Variants in RYR2 observed in about 807,000 individuals in gnomAD.
RYR2 encodes ryanodine receptor 2.
In RYR2, 227 loss-of-function variants were observed where a neutral mutation model predicts 601.1. The ratio of observed to expected loss-of-function variants is 0.38; its 90% CI spans 0.34 to 0.42. The LOEUF is 0.42. Ranked by LOEUF, RYR2 falls within the 10% of genes least tolerant of loss-of-function variation. The pLI is 1.00. For synonymous variants in RYR2, 2,223 were observed against 2,175.1 expected (o/e 1.02, Z -0.61); for missense variants, 4,646 against 6,156.5 (o/e 0.75, Z 8.21).
At chr1:237,326,229 TAC>T (rs947068530) in intron 2 of RYR2, among the ~76,000 whole-genome samples, 2 of 151,742 alleles carry the variant, frequency 1.3e-5, no homozygotes, top group Admixed American at 6.6e-5. Flanking sequence ...TCTAAGACTA[TAC>T]AGTGTTTGCC....
chr1:237,595,526 T>C lies in RYR2; in HGVS notation c.4465T>C (p.Cys1489Arg), dbSNP rs200450676. The part of the protein sequence containing the change: ...SIKRSNCYMV[C>R]AGESMSPGQG... ...CAAACGCAGCAACTGCTATATGGTA[T>C]GTGCGGGTGAGAGCATGAGCCCCGG... The change falls in exon 34 of 105, where the codon TGT becomes CGT. Residue 1489 changes from cysteine to arginine, a missense_variant. Cys to Arg is a radical substitution (Grantham distance 180). This residue lies in a region of RYR2 where 1,807 missense variants were observed against 2,088.1 expected (regional missense o/e 0.87). Transcript: ENST00000366574. 1.7e-4 allele frequency: 277 copies of C among 1,612,568 alleles called. No individual in the cohort carries two copies. The highest frequency in any genetic ancestry group is 4.4e-4 in the Admixed American group (26 of 59,766).
chr1:237,126,644 T>C (rs1464464071), intron 1 of RYR2, among the ~76,000 whole-genome samples: 1 of 152,176 alleles, frequency 6.6e-6, no homozygotes, highest in Non-Finnish European at 1.5e-5. Flanking sequence ...CTTTTTCCCT[T>C]CATCCTTCCT....
rs768186808 is a variant in RYR2, at chr1:237,742,969, AT to A, written c.11145+624del. Among the ~76,000 whole-genome samples the A allele has an allele frequency of 5.9e-5, 9 of 152,130 alleles. No individual in the cohort carries two copies. In the South Asian group the frequency reaches 1.4e-3, roughly 24 times the overall value. On this transcript the variant is annotated intron_variant, in intron 80 of 104. Transcript: ENST00000366574. ...CTTAGCCCAAAGGAAAGTTAATAGT[AT>A]TTTCCCCCTTTGCTTATACTGTACT...
At chr1:237,704,999 T>C (rs1688252401) in intron 66 of RYR2, among the ~76,000 whole-genome samples, 1 of 152,146 alleles carries the variant, frequency 6.6e-6, no homozygotes, top group Non-Finnish European at 1.5e-5. Flanking sequence ...TGACAGATAA[T>C]TTTTTGCTAA....
At chr1:237,345,224 T>C (rs2149637390) in intron 3 of RYR2, among the ~76,000 whole-genome samples, 1 of 152,268 alleles carries the variant, frequency 6.6e-6, no homozygotes, top group Non-Finnish European at 1.5e-5. Flanking sequence ...TTTGTAAAAA[T>C]CTACAAAATA....
At chr1:237,485,007 T>C (rs777540511) in intron 17 of RYR2, among the ~76,000 whole-genome samples, 3 of 152,244 alleles carry the variant, frequency 2.0e-5, no homozygotes, top group Non-Finnish European at 2.9e-5. Flanking sequence ...ATGCAGTGCC[T>C]GCAGCCTCAA....
At chr1:237,510,762 T>G (rs1665810252) in intron 23 of RYR2, among the ~76,000 whole-genome samples, 1 of 152,252 alleles carries the variant, frequency 6.6e-6, no homozygotes, top group Non-Finnish European at 1.5e-5. Context: ...CCGATGCGAT[T>G]TAGGTCTCTG....
At position 237,773,587 on chromosome 1, in the gene RYR2, A is replaced by G; in HGVS notation, c.11714A>G (p.Asn3905Ser). The change falls in exon 87 of 105, where the codon AAT becomes AGT. Residue 3905 changes from asparagine (N) to serine (S), a missense_variant. Asn to Ser is a conservative substitution (Grantham distance 46). Around this residue, in one of 17 missense-constraint regions of RYR2, gnomAD observed 90 missense variants for 213.3 expected, o/e 0.42. Transcript: ENST00000366574. Reference sequence around the variant, plus strand: ...GTTATTGATGAACAAGGACAACGGAATTTCTCCAAAGCTATCCAAGTGGCA... The same window carrying G: ...GTTATTGATGAACAAGGACAACGGAGTTTCTCCAAAGCTATCCAAGTGGCA... ...KDVIDEQGQRNFSKAIQVAKQ... is the reference protein window; with the variant it reads ...KDVIDEQGQRSFSKAIQVAKQ... 1 of 1,608,746 alleles carries G rather than the reference A, an allele frequency of 6.2e-7. No homozygotes were observed. The highest frequency in any genetic ancestry group is 1.7e-5 in the Admixed American group (1 of 59,910).
chr1:237,317,297 A>G (rs1695209976), intron 2 of RYR2, among the ~76,000 whole-genome samples: 1 of 152,230 alleles, frequency 6.6e-6, no homozygotes, highest in Non-Finnish European at 1.5e-5. Flanking sequence ...GCACGTCAAC[A>G]TGGTCAAAAT....
At chr1:237,127,255 A>G (rs1379552643) in intron 1 of RYR2, among the ~76,000 whole-genome samples, 1 of 152,094 alleles carries the variant, frequency 6.6e-6, no homozygotes, top group Non-Finnish European at 1.5e-5. Flanking sequence ...TCTATTCCAC[A>G]AAGCCGCCAT....
intron 16 of RYR2, 41 bp downstream of exon 16, chr1:237,456,776 T>C: frequency 6.2e-7 from 1 of 1,606,722 alleles, no homozygotes. Flanking sequence ...GAGTTATCTA[T>C]TTAAAATGTC....
At chr1:237,661,182 A>T (rs542245145) in intron 56 of RYR2, among the ~76,000 whole-genome samples, 7 of 152,096 alleles carry the variant, frequency 4.6e-5, no homozygotes, top group Non-Finnish European at 4.4e-5. Context: ...AGTATAGAAG[A>T]AGTAACCAGT....
chr1:237,518,251 TG>T, intron 24 of RYR2, among the ~76,000 whole-genome samples: 1 of 141,556 alleles, frequency 7.1e-6, no homozygotes, highest in Non-Finnish European at 1.6e-5. Context: ...TCTTTTCTAT[TG>T]TTTTTTTTTG....
At chr1:237,197,690 T>C (rs947924249) in intron 1 of RYR2, among the ~76,000 whole-genome samples, 3 of 152,104 alleles carry the variant, frequency 2.0e-5, no homozygotes. Context: ...CTTGAAGAAG[T>C]GGTGAATGTC....
At chr1:237,482,500 C>A (rs571191514) in intron 17 of RYR2, among the ~76,000 whole-genome samples, 2 of 152,180 alleles carry the variant, frequency 1.3e-5, no homozygotes, top group East Asian at 1.9e-4. Context: ...ATACTCATCT[C>A]CAGTTCATCC....
chr1:237,633,484 C>T lies in RYR2; in HGVS notation c.6556-94C>T, dbSNP rs564280017. On this transcript the variant is annotated intron_variant, in intron 42 of 104. Coordinates refer to ENST00000366574, the MANE Select transcript of RYR2 (RefSeq NM_001035.3). ...GAAGTTTGGCACACACATGGACACA[C>T]GGGGATTGACGATGTGATTGAGACC... is the stretch of plus-strand genomic sequence containing the variant. The T allele has an allele frequency of 1.6e-5, 24 of 1,463,864 alleles. No individual in the cohort carries two copies. The East Asian group carries it at 1.8e-4, about 11-fold the overall frequency. 90.7% of individuals were successfully genotyped at this position (1,463,864 alleles called of 1,614,324 possible). A position where few individuals can be genotyped will look rare whatever the true frequency, so the allele number is the denominator to read the frequency against.
At position 237,061,141 on chromosome 1, in the gene RYR2, C is replaced by A. The variant is rs545602374; in HGVS notation, c.48+18572C>A. ...AACACCTGCTTTGTATCTTTAATGT[C>A]CATTTGGATATACTGTATTCTTTTG... On this transcript the variant is annotated intron_variant, in intron 1 of 104. Transcript: ENST00000366574. Among the ~76,000 whole-genome samples, 28 of 152,240 alleles carry A rather than the reference C, an allele frequency of 1.8e-4. No homozygotes were observed. In the South Asian group the frequency reaches 4.1e-3, roughly 23 times the overall value.
intron 97 of RYR2, among the ~76,000 whole-genome samples, chr1:237,800,467 C>G (rs894718638): frequency 3.3e-5 from 5 of 151,752 alleles, no homozygotes; most frequent in Non-Finnish European, 7.4e-5. Context: ...GAGCCTTAAC[C>G]CTTAGTGAAA....
intron 59 of RYR2, 58 bp downstream of exon 59, chr1:237,674,277 T>C (rs549386277): frequency 1.6e-4 from 215 of 1,316,150 alleles, no homozygotes; most frequent in Non-Finnish European, 2.0e-4. Context: ...TATTTAAATA[T>C]CTCCATCATA....
Sources: gnomAD v4.1 joint callset for allele counts (sites outside exome capture counted in the v4.1 genomes callset) on GRCh38, gnomAD v4.1.1 for gene constraint, gnomAD v4.1.1 regional missense constraint, MANE v1.5 for transcripts, NCBI Gene and HGNC (gene_info 2026-07-23, HGNC 2026-07-21) for gene names.